ADAMTS6: variants seen among roughly 807,000 people sequenced by gnomAD.
ADAMTS6 encodes ADAM metallopeptidase with thrombospondin type 1 motif 6.
Under a neutral mutation model 144.3 loss-of-function variants are expected in ADAMTS6, and 23 were observed. The observed-to-expected ratio is 0.16, with a 90% CI of 0.11 to 0.23. ADAMTS6 has a LOEUF of 0.23. ADAMTS6 is among the 10% of genes least tolerant of loss of function. The pLI is 1.00. For synonymous variants in ADAMTS6, 444 were observed against 457.5 expected (o/e 0.97, Z 0.38); for missense variants, 999 against 1,379.6 (o/e 0.72, Z 4.37).
intron 7 of ADAMTS6, among the ~76,000 whole-genome samples, chr5:65,336,560 C>T (rs1001566791): frequency 1.3e-5 from 2 of 151,866 alleles, no homozygotes; most frequent in Non-Finnish European, 2.9e-5. Flanking sequence ...TATTAGGGTT[C>T]CTGATAACAA....
intron 7 of ADAMTS6, among the ~76,000 whole-genome samples, chr5:65,400,387 T>A (rs1194624399): frequency 6.6e-6 from 1 of 152,134 alleles, no homozygotes; most frequent in Non-Finnish European, 1.5e-5. Context: ...TTTCGTTTTT[T>A]GTGTTGTTGT....
At chr5:65,249,833 T>C (rs1056416667) in intron 14 of ADAMTS6, among the ~76,000 whole-genome samples, 2 of 152,232 alleles carry the variant, frequency 1.3e-5, no homozygotes, top group Non-Finnish European at 2.9e-5. Flanking sequence ...TACCTTGTCT[T>C]CACTTACCCT....
chr5:65,186,895 T>C (rs1216567214), intron 22 of ADAMTS6, among the ~76,000 whole-genome samples: 1 of 152,214 alleles, frequency 6.6e-6, no homozygotes, highest in African/African-American at 2.4e-5. Context: ...TGTACCATCT[T>C]AAACACAGTG....
chr5:65,192,352 A>C (rs1755068931), intron 21 of ADAMTS6, among the ~76,000 whole-genome samples: 1 of 152,068 alleles, frequency 6.6e-6, no homozygotes. Context: ...AGTGTCTTCC[A>C]ACTTGAAGTT....
At chr5:65,239,105 C>T (rs1158778902) in intron 15 of ADAMTS6, among the ~76,000 whole-genome samples, 2 of 151,536 alleles carry the variant, frequency 1.3e-5, no homozygotes, top group African/African-American at 4.9e-5. Flanking sequence ...CATCACACAC[C>T]GGAGACTGTT....
At chr5:65,343,382 T>C (rs1033089325) in intron 7 of ADAMTS6, among the ~76,000 whole-genome samples, 3 of 151,822 alleles carry the variant, frequency 2.0e-5, no homozygotes, top group African/African-American at 7.3e-5. Flanking sequence ...GAACACAAAA[T>C]TAATCCACGT....
chr5:65,326,080 A>C (rs1746138615), intron 9 of ADAMTS6, among the ~76,000 whole-genome samples: 1 of 152,090 alleles, frequency 6.6e-6, no homozygotes, highest in African/African-American at 2.4e-5. Flanking sequence ...CACATACTTC[A>C]ATATGCATTC....
intron 7 of ADAMTS6, among the ~76,000 whole-genome samples, chr5:65,421,538 G>T (rs1468418908): frequency 6.6e-6 from 1 of 151,958 alleles, no homozygotes; most frequent in African/African-American, 2.4e-5. Context: ...CTTGAATAAA[G>T]GCTCTTCAAT....
At chr5:65,384,848 A>G in intron 7 of ADAMTS6, among the ~76,000 whole-genome samples, 1 of 152,212 alleles carries the variant, frequency 6.6e-6, no homozygotes, top group East Asian at 1.9e-4. Flanking sequence ...AATACCTTAG[A>G]CTGGGTAATT....
chr5:65,309,587 A>G (rs1744279717), intron 9 of ADAMTS6, among the ~76,000 whole-genome samples: 1 of 129,774 alleles, frequency 7.7e-6, no homozygotes, highest in Non-Finnish European at 1.5e-5. Flanking sequence ...GACCCCTGTT[A>G]TAATACACAC....
At chr5:65,374,685 C>T (rs999050073) in intron 7 of ADAMTS6, among the ~76,000 whole-genome samples, 30 of 152,132 alleles carry the variant, frequency 2.0e-4, no homozygotes, top group Non-Finnish European at 4.1e-4. Flanking sequence ...CCATACTGCC[C>T]AACGTAATTT....
chr5:65,462,050 T>C (rs1035865172), intron 3 of ADAMTS6, among the ~76,000 whole-genome samples: 2 of 152,212 alleles, frequency 1.3e-5, no homozygotes, highest in Non-Finnish European at 2.9e-5. Flanking sequence ...AGTCACTTCA[T>C]ATAATTTTCA....
intron 14 of ADAMTS6, among the ~76,000 whole-genome samples, chr5:65,258,680 G>A (rs1481573298): frequency 6.6e-6 from 1 of 152,142 alleles, no homozygotes. Flanking sequence ...AAACTAATGG[G>A]ATTTCCTGAG....
At chr5:65,437,045 T>C (rs56077080) in intron 7 of ADAMTS6, among the ~76,000 whole-genome samples, 88,187 of 151,444 alleles carry the variant, frequency 0.58, 26,718 homozygotes, top group African/African-American at 0.75. Flanking sequence ...GTGAAAGACA[T>C]GTCTCACATG....
intron 24 of ADAMTS6, among the ~76,000 whole-genome samples, chr5:65,164,353 T>C (rs1488759984): frequency 2.3e-4 from 34 of 150,696 alleles, no homozygotes; most frequent in East Asian, 3.9e-4. Context: ...CAGGAGATTA[T>C]ATCCCGCACC....
At chr5:65,465,939 T>C (rs1759958335) in intron 3 of ADAMTS6, among the ~76,000 whole-genome samples, 1 of 152,222 alleles carries the variant, frequency 6.6e-6, no homozygotes, top group South Asian at 2.1e-4. Context: ...TTAAATGGCA[T>C]CTATATATTG....
chr5:65,389,035 C>T (rs1752695992), intron 7 of ADAMTS6, among the ~76,000 whole-genome samples: 1 of 152,002 alleles, frequency 6.6e-6, no homozygotes, highest in African/African-American at 2.4e-5. Context: ...GTGAAACTCT[C>T]TACTGAAAAT....
intron 2 of ADAMTS6, among the ~76,000 whole-genome samples, chr5:65,471,593 TAA>T (rs1252773489): frequency 6.9e-6 from 1 of 143,942 alleles, no homozygotes; most frequent in Non-Finnish European, 1.5e-5. Flanking sequence ...CCGCCTCTAC[TAA>T]AAATACAAAA....
chr5:65,418,305 T>C, intron 7 of ADAMTS6, among the ~76,000 whole-genome samples: 1 of 152,148 alleles, frequency 6.6e-6, no homozygotes, highest in East Asian at 1.9e-4. Context: ...ACATTGGCCT[T>C]GGGAAGTAAT....
Sources: gnomAD v4.1 joint callset for allele counts (sites outside exome capture counted in the v4.1 genomes callset) on GRCh38, gnomAD v4.1.1 for gene constraint, MANE v1.5 for transcripts, NCBI Gene and HGNC (gene_info 2026-07-23, HGNC 2026-07-21) for gene names.